SEC14L1: variants seen among roughly 807,000 people sequenced by gnomAD.
The protein encoded by SEC14L1 is SEC14-like protein 1.
In SEC14L1, 48 loss-of-function variants were observed where a neutral mutation model predicts 85.3. The observed-to-expected ratio is 0.56, with a 90% CI of 0.45 to 0.72. The LOEUF (loss-of-function observed/expected upper bound fraction) is 0.72. SEC14L1 is among the 30% of genes least tolerant of loss of function. The pLI is 0.00. For missense variants in SEC14L1, 682 were observed against 921.4 expected (o/e 0.74, Z 3.36); for synonymous variants, 391 against 355.5 (o/e 1.10, Z -1.12).
chr17:77,106,424 C>T (rs868515714), intron 3 of SEC14L1, among the ~76,000 whole-genome samples: 6 of 152,000 alleles, frequency 3.9e-5, no homozygotes, highest in African/African-American at 9.6e-5. Flanking sequence ...CCCAGCTACT[C>T]GGGAGACTGA....
intron 3 of SEC14L1, among the ~76,000 whole-genome samples, chr17:77,154,755 CCT>C (rs2143591778): frequency 6.6e-6 from 1 of 152,054 alleles, no homozygotes; most frequent in East Asian, 1.9e-4. Flanking sequence ...AGACATCTGC[CCT>C]GTTTTTCAGT....
chr17:77,105,836 G>A (rs1435628566), intron 3 of SEC14L1, among the ~76,000 whole-genome samples: 2 of 152,130 alleles, frequency 1.3e-5, no homozygotes, highest in Non-Finnish European at 2.9e-5. Context: ...GACAACAGCT[G>A]TTTAGGTGAT....
At chr17:77,143,956 CT>C (rs56833561) in intron 3 of SEC14L1, 65,729 of 269,852 alleles carry the variant, frequency 0.24, 8,800 homozygotes, top group African/African-American at 0.32. Flanking sequence ...GGGTTGTGCT[CT>C]TTTTTTCCTT....
chr17:77,167,837 A>G (rs1412001235), intron 3 of SEC14L1, among the ~76,000 whole-genome samples: 1 of 152,224 alleles, frequency 6.6e-6, no homozygotes, highest in Non-Finnish European at 1.5e-5. Flanking sequence ...TGTTGGGAAC[A>G]AGTAAGCGGT....
chr17:77,113,912 C>T (rs1972107889), intron 3 of SEC14L1, among the ~76,000 whole-genome samples: 1 of 152,154 alleles, frequency 6.6e-6, no homozygotes, highest in Non-Finnish European at 1.5e-5. Context: ...TGCAGTACAG[C>T]AAAGAGTTAA....
chr17:77,208,293 C>T (rs770329257), intron 13 of SEC14L1, among the ~76,000 whole-genome samples: 1 of 152,176 alleles, frequency 6.6e-6, no homozygotes, highest in African/African-American at 2.4e-5. Flanking sequence ...ATTTAGCAAG[C>T]GCCTATGAGG....
At chr17:77,162,162 C>T (rs943732874) in intron 3 of SEC14L1, among the ~76,000 whole-genome samples, 4 of 151,662 alleles carry the variant, frequency 2.6e-5, no homozygotes, top group Admixed American at 6.6e-5. Flanking sequence ...TGGCGCTCGG[C>T]GGGGGAGGGA....
chr17:77,213,465 C>T lies in SEC14L1; in HGVS notation c.2015C>T (p.Thr672Ile). 1 of 1,611,472 alleles carries T rather than the reference C, an allele frequency of 6.2e-7. No homozygotes were observed. The highest frequency in any genetic ancestry group is 8.5e-7 in the Non-Finnish European group (1 of 1,180,020). Residue 672 changes from threonine (T) to isoleucine (I), a missense_variant, in exon 16 of 17, where the codon ACC (threonine) becomes ATC (isoleucine). Coordinates refer to ENST00000436233, the MANE Select transcript of SEC14L1 (RefSeq NM_001143998.2). This position sits in a 1 kb window ranked among gnomAD's most constrained non-coding sequence, Gnocchi z 7.1. ...CACAAGTGTAAAGTGATGTACTACA[C>T]CGAGGTGATCGGCTCGGAGGATTTC... is the stretch of plus-strand genomic sequence containing the variant. Reference protein sequence around the residue: ...SSHKCKVMYYTEVIGSEDFRG... With the variant: ...SSHKCKVMYYIEVIGSEDFRG...
intron 3 of SEC14L1, among the ~76,000 whole-genome samples, chr17:77,178,373 A>G (rs1268946709): frequency 2.6e-5 from 4 of 152,122 alleles, no homozygotes; most frequent in Non-Finnish European, 5.9e-5. Context: ...ATTATTTTAA[A>G]ATATAATGTG....
Position 77,209,141 on chromosome 17 carries a change from G to C in SEC14L1, c.1477-201G>C, listed in dbSNP as rs116483550. Among the ~76,000 whole-genome samples the C allele has an allele frequency of 7.6e-3, 1,160 of 152,258 alleles. 15 individuals carry two copies. Among genetic ancestry groups the C allele is most frequent in the African/African-American group, 0.026 (1,081 of 41,534 alleles). On this transcript the variant is annotated intron_variant, in intron 13 of 16. Coordinates refer to ENST00000436233, the MANE Select transcript of SEC14L1 (RefSeq NM_001143998.2). ...GCTTCAACTTGTTCCCGTTTATGCA[G>C]AGTAAAACACATGTATTTAAGTGGT...
Position 77,206,157 on chromosome 17 carries a change from A to G in SEC14L1, c.1170-72A>G. On this transcript the variant is annotated intron_variant, in intron 11 of 16. Transcript: ENST00000436233. The surrounding 1 kb of genome is among the most constrained non-coding windows in gnomAD (Gnocchi z 4.3). ...TGGAAATAGCTATAAATGACCAAAAAGGAAGAAAATAAGACACAGTTTGCT... is the reference window on the plus strand; with the variant it reads ...TGGAAATAGCTATAAATGACCAAAAGGGAAGAAAATAAGACACAGTTTGCT... 6.7e-7 allele frequency: 1 copy of G among 1,492,726 alleles called. No individual in the cohort carries two copies. The highest frequency in any genetic ancestry group is 9.2e-7 in the Non-Finnish European group (1 of 1,091,218). The allele number at this position is 1,492,726 out of a possible 1,614,324, so 92.5% of individuals were successfully genotyped here. A position where few individuals can be genotyped will look rare whatever the true frequency, so the allele number is the denominator to read the frequency against.
chr17:77,171,256 C>T (rs987759989), intron 3 of SEC14L1, among the ~76,000 whole-genome samples: 1 of 152,144 alleles, frequency 6.6e-6, no homozygotes, highest in Non-Finnish European at 1.5e-5. Context: ...GACAACATCC[C>T]TCTTATGAGA....
At chr17:77,129,780 C>T (rs1208847906) in intron 3 of SEC14L1, among the ~76,000 whole-genome samples, 1 of 152,086 alleles carries the variant, frequency 6.6e-6, no homozygotes, top group Non-Finnish European at 1.5e-5. Flanking sequence ...CCAGTCGCGC[C>T]TTGTGATGTG....
intron 3 of SEC14L1, among the ~76,000 whole-genome samples, chr17:77,163,210 G>A (rs181525511): frequency 5.4e-4 from 82 of 152,220 alleles, no homozygotes; most frequent in African/African-American, 1.9e-3. Flanking sequence ...ATACGAATTG[G>A]ACTTACCCTG....
At chr17:77,146,639 A>G (rs1323429436) in intron 3 of SEC14L1, among the ~76,000 whole-genome samples, 3 of 150,730 alleles carry the variant, frequency 2.0e-5, no homozygotes, top group Admixed American at 6.6e-5. Flanking sequence ...AAAACTTACT[A>G]GTTAGAAACT....
Position 77,204,074 on chromosome 17 carries a change from A to G in SEC14L1, c.1098+416A>G, listed in dbSNP as rs144903150. On this transcript the variant is annotated intron_variant, in intron 10 of 16. Transcript: ENST00000436233. ...ACCCATCATCTCGCTGACTCCAGCCAGGCCCCGCTCCACTGCTGCCGCCAT... is the reference window on the plus strand; with the variant it reads ...ACCCATCATCTCGCTGACTCCAGCCGGGCCCCGCTCCACTGCTGCCGCCAT... 9.2e-3 allele frequency among the ~76,000 whole-genome samples: 1,400 copies of G among 152,278 alleles called. 27 individuals are homozygous for G. The highest frequency in any genetic ancestry group is 0.03 in the African/African-American group (1,261 of 41,542).
intron 3 of SEC14L1, among the ~76,000 whole-genome samples, chr17:77,148,642 T>A (rs763804511): frequency 1.1e-3 from 174 of 152,336 alleles, no homozygotes; most frequent in Admixed American, 4.3e-3. Context: ...CCAAGGCACC[T>A]GGTTCTGTCC....
chr17:77,110,972 T>A (rs1369820059), intron 3 of SEC14L1, among the ~76,000 whole-genome samples: 1 of 149,994 alleles, frequency 6.7e-6, no homozygotes, highest in Non-Finnish European at 1.5e-5. Context: ...GGCAGGAGGA[T>A]CACTTGAGGT....
intron 3 of SEC14L1, among the ~76,000 whole-genome samples, chr17:77,146,780 T>C (rs1302787649): frequency 1.3e-5 from 2 of 152,176 alleles, no homozygotes; most frequent in African/African-American, 4.8e-5. Flanking sequence ...CATTTTTAAA[T>C]CCGAAAATGA....
Sources: allele counts gnomAD v4.1 joint callset (sites outside exome capture counted in the v4.1 genomes callset), GRCh38; gene constraint gnomAD v4.1.1; non-coding constraint Gnocchi (gnomAD v3.1); transcripts MANE v1.5; gene names NCBI Gene and HGNC (gene_info 2026-07-23, HGNC 2026-07-21).